Variants in BATF2 observed in about 807,000 individuals in gnomAD.
BATF2 encodes the protein basic leucine zipper ATF-like transcription factor 2, also known as basic leucine zipper transcriptional factor ATF-like 2.
BATF2 carries 4 observed loss-of-function variants against 7.3 expected under a neutral mutation model. The observed-to-expected ratio is 0.55, with a 90% CI of 0.27 to 1.26. BATF2 has a LOEUF of 1.26. BATF2 is among the 50% of genes most tolerant of loss of function. BATF2 has a pLI of 0.11. For missense variants in BATF2, 295 were observed against 340.5 expected (o/e 0.87, Z 1.05); for synonymous variants, 152 against 153.9 (o/e 0.99, Z 0.09).
chr11:64,991,228 C>A (rs1426961607), intron 2 of BATF2, among the ~76,000 whole-genome samples: 1 of 148,792 alleles, frequency 6.7e-6, no homozygotes, highest in African/African-American at 2.5e-5. Flanking sequence ...ATAATCTCGG[C>A]TCACTGCAAC....
chr11:64,996,167 G>A (rs1266893511), intron 1 of BATF2, among the ~76,000 whole-genome samples: 1 of 151,882 alleles, frequency 6.6e-6, no homozygotes, highest in Non-Finnish European at 1.5e-5. Context: ...CACCATGTTG[G>A]CCAGGATGGT....
chr11:64,990,150 C>T (rs758022381), intron 2 of BATF2: 34 of 1,535,616 alleles, frequency 2.2e-5, no homozygotes, highest in Admixed American at 2.0e-5. Context: ...CATTCAGCAA[C>T]CATGTCATTA....
chr11:64,990,141 A>G, intron 2 of BATF2: 1 of 1,535,698 alleles, frequency 6.5e-7, no homozygotes, highest in East Asian at 2.4e-5. Context: ...CACAGGAGCC[A>G]TTCAGCAACC....
chr11:64,996,544 G>A (rs1178884906), intron 1 of BATF2, among the ~76,000 whole-genome samples: 3 of 152,166 alleles, frequency 2.0e-5, no homozygotes, highest in Admixed American at 6.6e-5. Context: ...GGCATGAGCC[G>A]GCCTGGGTTA....
intron 2 of BATF2, chr11:64,990,354 GC>G (rs1946066464): frequency 6.9e-7 from 1 of 1,450,890 alleles, no homozygotes; most frequent in Non-Finnish European, 9.1e-7. Context: ...ACACCCTTCC[GC>G]CGCCCTTCTC....
In BATF2 at chr11:64,989,903, A is replaced by G; in HGVS notation, c.142-91T>C. Reference sequence around the variant, plus strand: ...AGCCCCTTCCAGGGTCCTCAACTTCAGGAGAAAGATGCCACCACCATTGGA... The same window carrying G: ...AGCCCCTTCCAGGGTCCTCAACTTCGGGAGAAAGATGCCACCACCATTGGA... On this transcript the variant is annotated intron_variant, in intron 2 of 2. Transcript: ENST00000301887. This position sits in a 1 kb window ranked among gnomAD's most constrained non-coding sequence, Gnocchi z 4.3. 3 of 1,488,646 alleles carry G rather than the reference A, an allele frequency of 2.0e-6. No homozygotes were observed. Among genetic ancestry groups the G allele is most frequent in the Non-Finnish European group, 2.8e-6 (3 of 1,089,726 alleles). 92.2% of individuals were successfully genotyped at this position (1,488,646 alleles called of 1,614,324 possible).
At chr11:64,990,058 C>T (rs1367515967) in intron 2 of BATF2, 9 of 1,536,794 alleles carry the variant, frequency 5.9e-6, no homozygotes, top group East Asian at 2.4e-5. Flanking sequence ...TGCCCTGAGC[C>T]GGTGCCATTT....
Position 64,988,776 on chromosome 11 carries a change from G to GCCTTCT in BATF2, c.*352_*353insAGAAGG. Reference sequence around the variant, plus strand: ...TTTCCAGGATTTCAGCCCCTAGGATGCCTGGGCCAGGACAGGAGAAGGAGG... The same window carrying GCCTTCT: ...TTTCCAGGATTTCAGCCCCTAGGATGCCTTCTCCTGGGCCAGGACAGGAGAAGGAGG... On this transcript the variant is annotated 3_prime_UTR_variant, in exon 3 of 3. Coordinates refer to ENST00000301887, the MANE Select transcript of BATF2 (RefSeq NM_138456.4). The GCCTTCT allele has an allele frequency of 3.5e-6, 1 of 289,508 alleles. No homozygotes were observed. Among genetic ancestry groups the GCCTTCT allele is most frequent in the Non-Finnish European group, 6.7e-6 (1 of 150,124 alleles). The allele number at this position is 289,508 out of a possible 1,614,324, so 17.9% of individuals were successfully genotyped here.
Position 64,989,859 on chromosome 11 carries a change from G to T in BATF2, c.142-47C>A. ...GGGAGGGGAACCTCAGCCAGTGTCA[G>T]GGGCCCCGCATGAGCCTTAGCCCCT... is the stretch of plus-strand genomic sequence containing the variant. On this transcript the variant is annotated intron_variant, in intron 2 of 2. Transcript: ENST00000301887. The surrounding 1 kb of genome is among the most constrained non-coding windows in gnomAD (Gnocchi z 4.3). 6.2e-7 allele frequency: 1 copy of T among 1,603,204 alleles called. No homozygotes were observed. The highest frequency in any genetic ancestry group is 1.3e-5 in the African/African-American group (1 of 74,842).
intron 1 of BATF2, among the ~76,000 whole-genome samples, chr11:64,996,454 G>C (rs1367355474): frequency 6.6e-6 from 1 of 151,588 alleles, no homozygotes; most frequent in Non-Finnish European, 1.5e-5. Flanking sequence ...ACGGGGTTTC[G>C]CCATGTTGGC....
Position 64,989,353 on chromosome 11 carries a change from C to T in BATF2, c.601G>A (p.Ala201Thr). The change falls in exon 3 of 3, where the codon GCC (alanine) becomes ACC (threonine). Residue 201 changes from alanine (A) to threonine (T), a missense_variant. By Grantham distance (58) the Ala-to-Thr change is moderately conservative (BLOSUM62 0). Transcript: ENST00000301887. This position sits in a 1 kb window ranked among gnomAD's most constrained non-coding sequence, Gnocchi z 4.3. Reference sequence around the variant, plus strand: ...AGGGGCTGTGGAGGGGCAGTTTGGGCCGTGAGGCTGGGCTGGAGGGCACTG... The same window carrying T: ...AGGGGCTGTGGAGGGGCAGTTTGGGTCGTGAGGCTGGGCTGGAGGGCACTG... ...KLSALQPSLTAQTAPPQPLEL... is the reference protein window; with the variant it reads ...KLSALQPSLTTQTAPPQPLEL... The T allele has an allele frequency of 1.3e-6, 2 of 1,570,848 alleles. No homozygotes were observed. The highest frequency in any genetic ancestry group is 1.7e-6 in the Non-Finnish European group (2 of 1,157,820).
chr11:64,995,711 T>C (rs772717374), intron 1 of BATF2, among the ~76,000 whole-genome samples: 1 of 152,050 alleles, frequency 6.6e-6, no homozygotes, highest in Admixed American at 6.6e-5. Flanking sequence ...CTCTGGGGTA[T>C]GTGTTTTGAG....
At chr11:64,991,080 G>A (rs895663488) in intron 2 of BATF2, among the ~76,000 whole-genome samples, 13 of 151,424 alleles carry the variant, frequency 8.6e-5, no homozygotes, top group African/African-American at 3.2e-4. Context: ...GTGAGCCACC[G>A]CGCCCGGCCC....
intron 2 of BATF2, among the ~76,000 whole-genome samples, chr11:64,992,561 TATA>T (rs2136878676): frequency 6.6e-6 from 1 of 152,050 alleles, no homozygotes; most frequent in African/African-American, 2.4e-5. Flanking sequence ...TTGGTGGCCT[TATA>T]AGAAGAGGGA....
At chr11:64,990,086 C>T (rs916033412) in intron 2 of BATF2, 46 of 1,535,848 alleles carry the variant, frequency 3.0e-5, no homozygotes, top group African/African-American at 1.2e-4. Context: ...GGGATATGCA[C>T]GGGCCTCCAA....
At position 64,989,295 on chromosome 11, in the gene BATF2, C is replaced by A; in HGVS notation, c.659G>T (p.Gly220Val). 1 of 1,589,024 alleles carries A rather than the reference C, an allele frequency of 6.3e-7. No individual in the cohort carries two copies. The highest frequency in any genetic ancestry group is 8.6e-7 in the Non-Finnish European group (1 of 1,166,916). Reference sequence around the variant, plus strand: ...AGAGGAAGGGTTGTCGGGAGAGGACCCCAGCTTCCCTCTGGTGGGATGCTC... The same window carrying A: ...AGAGGAAGGGTTGTCGGGAGAGGACACCAGCTTCCCTCTGGTGGGATGCTC... ...ELEHPTRGKL[G>V]SSPDNPSSAL... The change falls in exon 3 of 3, where the codon GGG (glycine) becomes GTG (valine). Residue 220 changes from glycine to valine, a missense_variant. Transcript: ENST00000301887. This position sits in a 1 kb window ranked among gnomAD's most constrained non-coding sequence, Gnocchi z 4.3.
chr11:64,994,309 C>A, intron 2 of BATF2, 139 bp downstream of exon 2: 1 of 819,874 alleles, frequency 1.2e-6, no homozygotes, highest in Non-Finnish European at 2.0e-6. Context: ...CCACAGGATC[C>A]TTTTCTCATC....
At chr11:64,995,231 T>C (rs1303591311) in intron 1 of BATF2, among the ~76,000 whole-genome samples, 2 of 152,178 alleles carry the variant, frequency 1.3e-5, no homozygotes, top group South Asian at 4.1e-4. Context: ...TTAAAGCCCA[T>C]GCGGCAGGCA....
At chr11:64,996,502 C>T (rs544962569) in intron 1 of BATF2, among the ~76,000 whole-genome samples, 71 of 152,300 alleles carry the variant, frequency 4.7e-4, no homozygotes, top group Admixed American at 1.4e-3. Flanking sequence ...TGTTATCTGC[C>T]GGCCTCAGAC....
Sources: gnomAD v4.1 joint callset for allele counts (sites outside exome capture counted in the v4.1 genomes callset) on GRCh38, gnomAD v4.1.1 for gene constraint, Gnocchi (gnomAD v3.1) non-coding constraint, MANE v1.5 for transcripts, NCBI Gene and HGNC (gene_info 2026-07-23, HGNC 2026-07-21) for gene names.